The following SCNN1B variants were observed in gnomAD, a reference collection of about 807,000 sequenced individuals.
SCNN1B encodes the protein epithelial sodium channel subunit beta.
In SCNN1B, 46 loss-of-function variants were observed where a neutral mutation model predicts 65.3. That is an observed-to-expected ratio of 0.70 (90% confidence interval 0.56 to 0.90). SCNN1B has a LOEUF of 0.90. Ranked by LOEUF, SCNN1B falls within the 40% of genes least tolerant of loss-of-function variation. The pLI is 0.00. For missense variants in SCNN1B, 751 were observed against 830.5 expected (o/e 0.90, Z 1.18); for synonymous variants, 349 against 330.6 (o/e 1.06, Z -0.60).
chr16:23,352,775 C>A (rs776272830), intron 2 of SCNN1B, 26 bp from the exon 3 acceptor site: 1 of 1,613,876 alleles, frequency 6.2e-7, no homozygotes, highest in South Asian at 1.1e-5. Flanking sequence ...CATTCCTTCC[C>A]CCTAACCAGC....
At chr16:23,280,403 T>C (rs903116670) in intron 1 of SCNN1B, among the ~76,000 whole-genome samples, 4 of 151,994 alleles carry the variant, frequency 2.6e-5, no homozygotes, top group Non-Finnish European at 5.9e-5. Flanking sequence ...TTTGTATTTT[T>C]GGTAGAGATG....
At chr16:23,335,710 G>T (rs1186455907) in intron 1 of SCNN1B, among the ~76,000 whole-genome samples, 1 of 151,354 alleles carries the variant, frequency 6.6e-6, no homozygotes, top group South Asian at 2.1e-4. Flanking sequence ...GCCTCCCAAA[G>T]TGCTGGGATT....
At chr16:23,304,319 A>C (rs542985526) in intron 1 of SCNN1B, among the ~76,000 whole-genome samples, 2 of 146,424 alleles carry the variant, frequency 1.4e-5, no homozygotes, top group African/African-American at 2.5e-5. Flanking sequence ...ACGGGCACAC[A>C]TACATGAGAC....
chr16:23,365,702 AAGGC>A lies in SCNN1B; in HGVS notation c.777-2151_777-2148del, dbSNP rs570369954. Among the ~76,000 whole-genome samples, 93 of 152,316 alleles carry A rather than the reference AAGGC, an allele frequency of 6.1e-4. 1 individual carries two copies. Among genetic ancestry groups the A allele is most frequent in the African/African-American group, 1.9e-3 (77 of 41,564 alleles). ...TCCTCTGCCACACTGGAAGCTGCAA[AAGGC>A]AGCCCTGTCTTGTTTTGCTCAGTGT... On this transcript the variant is annotated intron_variant, in intron 4 of 12. Transcript: ENST00000343070.
intron 4 of SCNN1B, among the ~76,000 whole-genome samples, chr16:23,365,620 A>AAG (rs1567313778): frequency 0.058 from 4,667 of 80,196 alleles, 167 homozygotes; most frequent in Middle Eastern, 0.093. Flanking sequence ...AAAGAAAGAA[A>AAG]AAAGAAAGAA....
chr16:23,357,926 G>A (rs1011420881), intron 4 of SCNN1B, among the ~76,000 whole-genome samples: 1 of 152,212 alleles, frequency 6.6e-6, no homozygotes, highest in African/African-American at 2.4e-5. Flanking sequence ...CATCTCACCC[G>A]CTCAGCTGAA....
At chr16:23,343,282 G>C (rs900143142) in intron 1 of SCNN1B, among the ~76,000 whole-genome samples, 9 of 96,302 alleles carry the variant, frequency 9.3e-5, no homozygotes, top group Non-Finnish European at 1.9e-4. Flanking sequence ...GATAAACCCC[G>C]TCACTATTAA....
intron 1 of SCNN1B, among the ~76,000 whole-genome samples, chr16:23,306,762 G>A (rs1414380866): frequency 2.0e-5 from 3 of 152,212 alleles, no homozygotes; most frequent in Non-Finnish European, 4.4e-5. Flanking sequence ...CTAGAGGCAT[G>A]ACCAAAGGAA....
At position 23,380,058 on chromosome 16, in the gene SCNN1B, T is replaced by C. The variant is rs780565613; in HGVS notation, c.1467-36T>C. The C allele has an allele frequency of 5.3e-6, 8 of 1,498,540 alleles. No homozygotes were observed. In the Admixed American group the frequency reaches 1.3e-4, roughly 25 times the overall value. 92.8% of individuals were successfully genotyped at this position (1,498,540 alleles called of 1,614,324 possible). A position where few individuals can be genotyped will look rare whatever the true frequency, so the allele number is the denominator to read the frequency against. ...TGTGTCTGTCTGTTTGGAAGGGGGA[T>C]ACATTAGTCCCGGCCCTTCTCGCTG... On this transcript the variant is annotated intron_variant, in intron 11 of 12. Transcript: ENST00000343070. This position sits in a 1 kb window ranked among gnomAD's most constrained non-coding sequence, Gnocchi z 5.4.
In SCNN1B at chr16:23,378,749, C is replaced by T; in HGVS notation, c.1448C>T (p.Thr483Ile). ...HVLSQERDQS[T>I]NITLSRKGIV... is the part of the protein sequence containing the mutation. ...TTGTCTCAGGAGCGGGACCAAAGCACCAATATCACCCTGAGCAGGTGAGCC... is the reference window on the plus strand; with the variant it reads ...TTGTCTCAGGAGCGGGACCAAAGCATCAATATCACCCTGAGCAGGTGAGCC... The change falls in exon 11 of 13, where the codon ACC becomes ATC. Residue 483 changes from threonine to isoleucine, a missense_variant. Thr to Ile is a moderately conservative substitution (Grantham distance 89). Coordinates refer to ENST00000343070, the MANE Select transcript of SCNN1B (RefSeq NM_000336.3). 1.2e-6 allele frequency: 2 copies of T among 1,614,098 alleles called. No homozygotes were observed. Among genetic ancestry groups the T allele is most frequent in the Non-Finnish European group, 1.7e-6 (2 of 1,180,022 alleles).
chr16:23,365,600 A>G (rs1225928456), intron 4 of SCNN1B, among the ~76,000 whole-genome samples: 3 of 59,144 alleles, frequency 5.1e-5, no homozygotes, highest in Non-Finnish European at 1.0e-4. Context: ...AAAGAAAGAA[A>G]GAAAGAAAGA....
At chr16:23,279,667 A>G (rs1349110108) in intron 1 of SCNN1B, among the ~76,000 whole-genome samples, 1 of 152,184 alleles carries the variant, frequency 6.6e-6, no homozygotes, top group East Asian at 1.9e-4. Context: ...CAGAAATACA[A>G]ATTACTTCGT....
Position 23,355,506 on chromosome 16 carries a change from G to T in SCNN1B, c.776+17G>T. 1 of 1,613,294 alleles carries T rather than the reference G, an allele frequency of 6.2e-7. No homozygotes were observed. Among genetic ancestry groups the T allele is most frequent in the Non-Finnish European group, 8.5e-7 (1 of 1,179,830 alleles). ...CAACTACCGGTGAGAGCCACCCCAAGCCCACCCGGCCAGGCCCTGGCACCG... is the reference window on the plus strand; with the variant it reads ...CAACTACCGGTGAGAGCCACCCCAATCCCACCCGGCCAGGCCCTGGCACCG... On this transcript the variant is annotated intron_variant, in intron 4 of 12. Transcript: ENST00000343070.
At chr16:23,297,394 T>C (rs1961013294), upstream of SCNN1B, among the ~76,000 whole-genome samples, 1 of 152,142 alleles carries the variant, frequency 6.6e-6, no homozygotes, top group Non-Finnish European at 1.5e-5. Context: ...CGGCCAGGAG[T>C]CTTTTGGTTG....
chr16:23,323,418 G>A (rs953082079), intron 1 of SCNN1B: 2 of 640,984 alleles, frequency 3.1e-6, no homozygotes, highest in East Asian at 5.5e-5. Flanking sequence ...TGGTTGCATG[G>A]GTATATGCAA....
At chr16:23,356,113 G>A (rs893404351) in intron 4 of SCNN1B, among the ~76,000 whole-genome samples, 2 of 152,142 alleles carry the variant, frequency 1.3e-5, no homozygotes, top group African/African-American at 4.8e-5. Context: ...GTCACTGGCT[G>A]TGGGTCATTC....
chr16:23,347,737 G>A (rs1378510903), intron 1 of SCNN1B, among the ~76,000 whole-genome samples: 6 of 151,998 alleles, frequency 3.9e-5, no homozygotes, highest in Non-Finnish European at 7.4e-5. Context: ...GTGAAACCCC[G>A]TCTCCACTAA....
chr16:23,296,086 C>A (rs1960992924), intron 2 of SCNN1B, among the ~76,000 whole-genome samples: 1 of 152,042 alleles, frequency 6.6e-6, no homozygotes, highest in South Asian at 2.1e-4. Context: ...GCTTTTGTGG[C>A]CAATTGGCCG....
intron 1 of SCNN1B, among the ~76,000 whole-genome samples, chr16:23,280,368 G>A (rs1205193630): frequency 6.6e-6 from 1 of 151,922 alleles, no homozygotes; most frequent in African/African-American, 2.4e-5. Context: ...GGGCCCACAG[G>A]CATGCATCAC....
Sources: gnomAD v4.1 joint callset for allele counts (sites outside exome capture counted in the v4.1 genomes callset) on GRCh38, gnomAD v4.1.1 for gene constraint, Gnocchi (gnomAD v3.1) non-coding constraint, MANE v1.5 for transcripts, NCBI Gene and HGNC (gene_info 2026-07-23, HGNC 2026-07-21) for gene names.